KCNU1: variants seen among roughly 807,000 people sequenced by gnomAD.
The protein encoded by KCNU1 is potassium calcium-activated channel subfamily U member 1.
KCNU1 carries 93 observed loss-of-function variants against 126.8 expected under a neutral mutation model. That is an observed-to-expected ratio of 0.73 (90% CI 0.62 to 0.87). The LOEUF (loss-of-function observed/expected upper bound fraction) is 0.87. KCNU1 is among the 40% of genes least tolerant of loss of function. The pLI, the probability that KCNU1 is intolerant of heterozygous loss-of-function variation, is 0.00. For missense variants in KCNU1, 1,330 were observed against 1,367.1 expected, an observed-to-expected ratio of 0.97 and a Z score of 0.43; for synonymous variants, 523 against 494.2, an observed-to-expected ratio of 1.06 and a Z score of -0.77.
At chr8:36,854,127 TG>T (rs2117300058) in intron 18 of KCNU1, among the ~76,000 whole-genome samples, 1 of 152,318 alleles carries the variant, frequency 6.6e-6, no homozygotes, top group East Asian at 1.9e-4. Flanking sequence ...GAGTCACTTC[TG>T]TCTTGCTGAC....
At chr8:36,929,158 G>A (rs1011588244) in intron 24 of KCNU1, 6 of 560,560 alleles carry the variant, frequency 1.1e-5, no homozygotes, top group Non-Finnish European at 1.9e-5. Context: ...AAGGTAGGTG[G>A]ATCTCTTGAG....
intron 19 of KCNU1, among the ~76,000 whole-genome samples, chr8:36,882,657 C>T (rs1442261164): frequency 2.6e-5 from 4 of 152,156 alleles, no homozygotes; most frequent in East Asian, 1.9e-4. Flanking sequence ...GATCTTGGCT[C>T]ACTGCAACCT....
chr8:36,819,100 T>C (rs1381075218), intron 10 of KCNU1, among the ~76,000 whole-genome samples: 1 of 152,160 alleles, frequency 6.6e-6, no homozygotes, highest in Non-Finnish European at 1.5e-5. Context: ...CAAATTTTTT[T>C]TAATGGTGAA....
intron 22 of KCNU1, among the ~76,000 whole-genome samples, chr8:36,911,522 G>A (rs920076374): frequency 1.3e-5 from 2 of 152,062 alleles, no homozygotes; most frequent in Non-Finnish European, 2.9e-5. Context: ...TGCAATCAAG[G>A]TCAAATTGTT....
chr8:36,836,248 C>T lies in KCNU1; in HGVS notation c.1296-48C>T, dbSNP rs568522839. On this transcript the variant is annotated intron_variant, in intron 12 of 26. Coordinates refer to ENST00000399881, the MANE Select transcript of KCNU1 (RefSeq NM_001031836.3). ...TCTGAATTAAATTATATTACAAAGC[C>T]CTTTGGCTATGACACATGACTAATG... is the stretch of plus-strand genomic sequence containing the variant. 35 of 1,166,750 alleles carry T rather than the reference C, an allele frequency of 3.0e-5. No homozygotes were observed. The Admixed American group carries it at 5.0e-4, about 17-fold the overall frequency. 72.3% of individuals were successfully genotyped at this position (1,166,750 alleles called of 1,614,324 possible).
At chr8:36,819,086 T>G (rs1010461690) in intron 10 of KCNU1, among the ~76,000 whole-genome samples, 2 of 152,178 alleles carry the variant, frequency 1.3e-5, no homozygotes, top group Admixed American at 6.5e-5. Flanking sequence ...GCCAAGATAA[T>G]GAACAAATTT....
intron 12 of KCNU1, among the ~76,000 whole-genome samples, chr8:36,835,860 A>G (rs1220373892): frequency 6.6e-6 from 1 of 152,256 alleles, no homozygotes; most frequent in Non-Finnish European, 1.5e-5. Flanking sequence ...TACCATACAT[A>G]GTACAGTAAA....
intron 10 of KCNU1, among the ~76,000 whole-genome samples, chr8:36,825,610 G>A (rs181922340): frequency 2.0e-5 from 3 of 152,268 alleles, no homozygotes; most frequent in Admixed American, 1.3e-4. Flanking sequence ...TGGTGCAGTG[G>A]AGAAGTCTAG....
chr8:36,885,838 A>C (rs955355953), intron 19 of KCNU1, among the ~76,000 whole-genome samples: 1 of 152,138 alleles, frequency 6.6e-6, no homozygotes, highest in Non-Finnish European at 1.5e-5. Flanking sequence ...AGCATTCTCC[A>C]TTACAAGGAC....
intron 9 of KCNU1, 70 bp from the exon 10 acceptor site, chr8:36,817,580 A>G: frequency 2.8e-6 from 2 of 724,058 alleles, no homozygotes; most frequent in Admixed American, 2.0e-5. Flanking sequence ...CCAATTATTT[A>G]TCTCTAAATG....
intron 19 of KCNU1, among the ~76,000 whole-genome samples, chr8:36,883,229 C>G (rs1217947457): frequency 6.6e-6 from 1 of 152,164 alleles, no homozygotes; most frequent in Non-Finnish European, 1.5e-5. Context: ...TTGATGCTCA[C>G]CAATTTCCTC....
chr8:36,875,673 C>T (rs1240964539), intron 19 of KCNU1, among the ~76,000 whole-genome samples: 4 of 151,938 alleles, frequency 2.6e-5, no homozygotes, highest in Non-Finnish European at 4.4e-5. Flanking sequence ...CCTTTATATT[C>T]ACATTTTATT....
chr8:36,830,820 C>A (rs1226120109), intron 10 of KCNU1, among the ~76,000 whole-genome samples: 1 of 151,512 alleles, frequency 6.6e-6, no homozygotes, highest in Non-Finnish European at 1.5e-5. Flanking sequence ...AGGTTAGTTG[C>A]ATATGTATAC....
At chr8:36,802,470 T>G (rs1258288822) in intron 2 of KCNU1, among the ~76,000 whole-genome samples, 1 of 152,188 alleles carries the variant, frequency 6.6e-6, no homozygotes, top group Non-Finnish European at 1.5e-5. Context: ...GGACATAATC[T>G]GTCCCTTCCA....
rs1412462664 is a variant in KCNU1 at position 36,805,243 on chromosome 8, T to C, written c.426T>C (p.Asp142=). 3 of 1,610,170 alleles carry C rather than the reference T, an allele frequency of 1.9e-6. No individual in the cohort carries two copies. In the Middle Eastern group the frequency reaches 5.0e-4, roughly 266 times the overall value. The change falls in exon 4 of 27, where the codon GAT becomes GAC. Residue 142 remains aspartate (D), a synonymous_variant. Transcript: ENST00000399881. ...ATGAAGACAAAACCATTCCTATTGA[T>C]TTGGTTTTCAATGCTTTCTTTAGTT... ...SSYEDKTIPI[D]LVFNAFFSFY...
At chr8:36,893,891 T>C (rs540802703) in intron 19 of KCNU1, among the ~76,000 whole-genome samples, 2 of 152,254 alleles carry the variant, frequency 1.3e-5, no homozygotes, top group South Asian at 4.1e-4. Context: ...TTTATAGTTA[T>C]TTTTCATCTT....
intron 19 of KCNU1, among the ~76,000 whole-genome samples, chr8:36,879,211 G>GTGTATATATA (rs541223094): frequency 4.3e-4 from 44 of 101,752 alleles, no homozygotes; most frequent in Non-Finnish European, 6.1e-4. Flanking sequence ...GTGTGTGTGT[G>GTGTATATATA]TATATATATA....
chr8:36,842,317 G>A (rs932968768), intron 16 of KCNU1, among the ~76,000 whole-genome samples: 2 of 152,184 alleles, frequency 1.3e-5, no homozygotes, highest in Admixed American at 6.5e-5. Context: ...AGTTGGGAAA[G>A]CATCAAAGAC....
At chr8:36,930,883 C>G (rs1808680607) in intron 24 of KCNU1, 68 bp from the exon 25 acceptor site, 3 of 1,123,986 alleles carry the variant, frequency 2.7e-6, no homozygotes, top group Non-Finnish European at 2.5e-6. Context: ...AATCTCCAAG[C>G]CTTTACCCCT....
Sources: allele counts gnomAD v4.1 joint callset (sites outside exome capture counted in the v4.1 genomes callset), GRCh38; gene constraint gnomAD v4.1.1; transcripts MANE v1.5; gene names NCBI Gene and HGNC (gene_info 2026-07-23, HGNC 2026-07-21).